TENM2: variants seen among roughly 807,000 people sequenced by gnomAD.
The protein encoded by TENM2 is teneurin-2.
In TENM2, 52 loss-of-function variants were observed where a neutral mutation model predicts 245.2. That is an observed-to-expected ratio of 0.21 (90% CI 0.17 to 0.27). TENM2 has a LOEUF of 0.27. Among genes scored for constraint, TENM2 ranks in the 10% least tolerant of loss-of-function variants. The pLI is 1.00. For synonymous variants in TENM2, 1,363 were observed against 1,438.9 expected (o/e 0.95, Z 1.19); for missense variants, 3,046 against 3,666.8 (o/e 0.83, Z 4.37).
At chr5:167,833,663 G>C (rs987945930) in intron 2 of TENM2, among the ~76,000 whole-genome samples, 4 of 152,194 alleles carry the variant, frequency 2.6e-5, no homozygotes, top group Non-Finnish European at 2.9e-5. Context: ...CCAGACACTA[G>C]AGCTGCAGTC....
intron 1 of TENM2, among the ~76,000 whole-genome samples, chr5:167,291,072 G>A (rs1023092470): frequency 1.3e-5 from 2 of 152,012 alleles, no homozygotes; most frequent in East Asian, 3.9e-4. Flanking sequence ...CTATCTTCAT[G>A]TTTGCCCAAC....
intron 2 of TENM2, among the ~76,000 whole-genome samples, chr5:167,509,365 G>A (rs1179755489): frequency 2.0e-5 from 3 of 152,198 alleles, no homozygotes; most frequent in Non-Finnish European, 2.9e-5. Context: ...TTTAGAGATA[G>A]TTTTGCTTCA....
chr5:167,453,882 A>T (rs185319249), intron 2 of TENM2, among the ~76,000 whole-genome samples: 1 of 152,320 alleles, frequency 6.6e-6, no homozygotes, highest in East Asian at 1.9e-4. Flanking sequence ...CTAACAAATT[A>T]CTAGCATGTT....
At chr5:167,525,169 A>G (rs892160816) in intron 2 of TENM2, among the ~76,000 whole-genome samples, 18 of 152,248 alleles carry the variant, frequency 1.2e-4, no homozygotes, top group Admixed American at 7.2e-4. Flanking sequence ...CCTGCAGAAC[A>G]TCAGAAAGAA....
intron 9 of TENM2, among the ~76,000 whole-genome samples, chr5:168,107,556 G>T (rs1225493309): frequency 8.0e-5 from 2 of 25,122 alleles, no homozygotes; most frequent in African/African-American, 1.6e-4. Context: ...CAAGCCTCCT[G>T]GGGGGGGGGT....
chr5:167,984,679 G>GT (rs940032627), intron 4 of TENM2, among the ~76,000 whole-genome samples: 5 of 151,906 alleles, frequency 3.3e-5, no homozygotes, highest in East Asian at 3.9e-4. Flanking sequence ...TTATATGCTT[G>GT]TTTTTTTTGT....
chr5:167,374,872 T>G (rs1012540126), intron 1 of TENM2, among the ~76,000 whole-genome samples: 3 of 152,176 alleles, frequency 2.0e-5, no homozygotes, highest in Non-Finnish European at 4.4e-5. Flanking sequence ...AGTAAGCACT[T>G]GGTGTATATT....
chr5:168,000,262 G>A (rs1259541802), intron 5 of TENM2, among the ~76,000 whole-genome samples: 1 of 152,130 alleles, frequency 6.6e-6, no homozygotes, highest in Non-Finnish European at 1.5e-5. Flanking sequence ...TCCTGATTGA[G>A]GATTCTGACA....
chr5:167,293,368 ATTTTTTTT>A lies in TENM2; in HGVS notation c.226+8320_226+8327del, dbSNP rs199972172. ...AGGGATGCGTCACCATGTCCGGCTA[ATTTTTTTT>A]TTTTTTTTTTTTTTGTATTTTTTAG... On this transcript the variant is annotated intron_variant, in intron 1 of 28. Coordinates refer to ENST00000518659, the Ensembl canonical transcript of TENM2. Among the ~76,000 whole-genome samples, 5 of 130,540 alleles carry A rather than the reference ATTTTTTTT, an allele frequency of 3.8e-5. No homozygotes were observed. The East Asian group carries it at 6.7e-4, about 18-fold the overall frequency. 85.6% of individuals were successfully genotyped at this position (130,540 alleles called of 152,430 possible).
the TENM2 span, among the ~76,000 whole-genome samples, chr5:167,022,346 C>T: frequency 1.3e-5 from 2 of 152,098 alleles, no homozygotes; most frequent in African/African-American, 4.8e-5. Context: ...AAATATGTTT[C>T]AAATTATGAT....
the TENM2 span, among the ~76,000 whole-genome samples, chr5:167,043,940 A>G: frequency 6.6e-6 from 1 of 151,912 alleles, no homozygotes; most frequent in Non-Finnish European, 1.5e-5. Flanking sequence ...GAATCGCTTG[A>G]ACCCAGGAGG....
At chr5:167,179,733 T>G in the TENM2 span, among the ~76,000 whole-genome samples, 11 of 152,168 alleles carry the variant, frequency 7.2e-5, no homozygotes, top group African/African-American at 2.7e-4. Context: ...ATTCACCAAC[T>G]TTTACAGAGT....
intron 2 of TENM2, among the ~76,000 whole-genome samples, chr5:167,474,706 G>T (rs1323949463): frequency 6.6e-6 from 1 of 152,076 alleles, no homozygotes; most frequent in Non-Finnish European, 1.5e-5. Flanking sequence ...AGTAGAGACA[G>T]GGTTTCGCCA....
chr5:167,139,239 G>C, the TENM2 span, among the ~76,000 whole-genome samples: 1 of 152,168 alleles, frequency 6.6e-6, no homozygotes, highest in Non-Finnish European at 1.5e-5. Context: ...TATCACTTCT[G>C]CCTTATGCAG....
At chr5:167,191,263 A>C in the TENM2 span, among the ~76,000 whole-genome samples, 6 of 152,106 alleles carry the variant, frequency 3.9e-5, no homozygotes. Flanking sequence ...CCACAAAATA[A>C]TATTTCATTT....
intron 5 of TENM2, among the ~76,000 whole-genome samples, chr5:167,996,625 A>G (rs573593676): frequency 6.6e-6 from 1 of 152,288 alleles, no homozygotes; most frequent in East Asian, 1.9e-4. Flanking sequence ...TATTTTAGAC[A>G]AGATGTATTG....
At chr5:167,450,404 CCT>C (rs1765506426) in intron 2 of TENM2, among the ~76,000 whole-genome samples, 1 of 152,112 alleles carries the variant, frequency 6.6e-6, no homozygotes, top group African/African-American at 2.4e-5. Flanking sequence ...CTGTTAATGA[CCT>C]CTCTCCTTCT....
chr5:167,706,459 ATATATC>A (rs1226382819), intron 2 of TENM2, among the ~76,000 whole-genome samples: 12 of 150,960 alleles, frequency 7.9e-5, no homozygotes, highest in African/African-American at 1.7e-4. Flanking sequence ...CTGTGTGTAG[ATATATC>A]TATATCTATA....
At chr5:167,142,656 T>C in the TENM2 span, among the ~76,000 whole-genome samples, 2 of 152,094 alleles carry the variant, frequency 1.3e-5, no homozygotes, top group Non-Finnish European at 2.9e-5. Context: ...GTTCAAGTGA[T>C]TCTCCTGCCT....
Sources: gnomAD v4.1 joint callset for allele counts (sites outside exome capture counted in the v4.1 genomes callset) on GRCh38, gnomAD v4.1.1 for gene constraint, MANE v1.5 for transcripts, NCBI Gene and HGNC (gene_info 2026-07-23, HGNC 2026-07-21) for gene names.